The following MAGI2 variants were observed in gnomAD, a reference collection of about 807,000 sequenced individuals.
MAGI2 encodes the protein membrane-associated guanylate kinase, WW and PDZ domain-containing protein 2.
In MAGI2, 35 loss-of-function variants were observed where a neutral mutation model predicts 133.3. That is an observed-to-expected ratio of 0.26 (90% confidence interval 0.20 to 0.35). MAGI2 has a LOEUF of 0.35. Ranked by LOEUF, MAGI2 falls within the 10% of genes least tolerant of loss-of-function variation. The pLI is 1.00. For missense variants in MAGI2, 1,636 were observed against 1,863.4 expected (o/e 0.88, Z 2.25); for synonymous variants, 729 against 710.6 (o/e 1.03, Z -0.41).
chr7:78,497,742 A>ATCTGTCTGTCTGTCTGTCTGTCTGTCTG (rs1234566826), intron 5 of MAGI2, among the ~76,000 whole-genome samples: 4,145 of 120,278 alleles, frequency 0.034, 99 homozygotes, highest in East Asian at 0.1. Flanking sequence ...CTATCTATCT[A>ATCTGTCTGTCTGTCTGTCTGTCTGTCTG]TCTATCTATC....
intron 2 of MAGI2, among the ~76,000 whole-genome samples, chr7:78,964,737 T>A (rs1392607231): frequency 6.6e-6 from 1 of 152,032 alleles, no homozygotes; most frequent in Non-Finnish European, 1.5e-5. Flanking sequence ...ACAATAGGAA[T>A]ATACAAGGAG....
At chr7:78,340,689 G>A (rs1421486343) in intron 9 of MAGI2, among the ~76,000 whole-genome samples, 1 of 152,098 alleles carries the variant, frequency 6.6e-6, no homozygotes, top group African/African-American at 2.4e-5. Context: ...CACATAAGCA[G>A]AATCAATGAC....
chr7:79,103,876 T>A (rs4615489), intron 1 of MAGI2, among the ~76,000 whole-genome samples: 93,536 of 151,230 alleles, frequency 0.62, 34,783 homozygotes, highest in Non-Finnish European at 0.83. Flanking sequence ...ATTTTTTTTA[T>A]ATTTTTAGTA....
At chr7:79,332,732 C>T (rs965869818) in intron 1 of MAGI2, among the ~76,000 whole-genome samples, 1 of 152,138 alleles carries the variant, frequency 6.6e-6, no homozygotes, top group African/African-American at 2.4e-5. Flanking sequence ...TTTATTTATA[C>T]ATACACTCTT....
At chr7:78,946,932 T>A (rs948539948) in intron 2 of MAGI2, 1 of 152,144 alleles carries the variant, frequency 6.6e-6, no homozygotes, top group African/African-American at 2.4e-5. Flanking sequence ...TCGTCCAGAT[T>A]TTCCTGGCCA....
intron 9 of MAGI2, among the ~76,000 whole-genome samples, chr7:78,283,148 A>T (rs2151017957): frequency 6.6e-6 from 1 of 152,238 alleles, no homozygotes; most frequent in South Asian, 2.1e-4. Flanking sequence ...TCCTTTGAAA[A>T]TAATTTTCCT....
At chr7:78,265,123 A>G (rs778643446) in intron 9 of MAGI2, among the ~76,000 whole-genome samples, 4 of 152,082 alleles carry the variant, frequency 2.6e-5, no homozygotes, top group Non-Finnish European at 5.9e-5. Context: ...ACATCCAACA[A>G]TTACTCCCTA....
At chr7:79,398,837 G>A (rs1487173030) in intron 1 of MAGI2, among the ~76,000 whole-genome samples, 1 of 151,972 alleles carries the variant, frequency 6.6e-6, no homozygotes, top group Non-Finnish European at 1.5e-5. Flanking sequence ...GAAACTACAA[G>A]TAAAAAAGAA....
chr7:78,954,570 G>C (rs72612606), intron 2 of MAGI2, among the ~76,000 whole-genome samples: 8 of 148,926 alleles, frequency 5.4e-5, no homozygotes, highest in Non-Finnish European at 1.2e-4. Context: ...AGTGTGGATC[G>C]ACAATATGCC....
chr7:78,415,881 C>G (rs148798790), intron 6 of MAGI2, among the ~76,000 whole-genome samples: 1 of 152,234 alleles, frequency 6.6e-6, no homozygotes, highest in East Asian at 1.9e-4. Context: ...AACATTTCAT[C>G]TTTGCAGCTG....
intron 3 of MAGI2, among the ~76,000 whole-genome samples, chr7:78,582,668 A>G (rs1349116564): frequency 6.6e-6 from 1 of 152,258 alleles, no homozygotes; most frequent in East Asian, 1.9e-4. Context: ...TGCTTGAGCA[A>G]TAAATACATT....
chr7:78,458,993 G>A lies in MAGI2; in HGVS notation c.1045+30768C>T, dbSNP rs572194966. 4.6e-5 allele frequency among the ~76,000 whole-genome samples: 7 copies of A among 152,290 alleles called. No individual in the cohort carries two copies. The East Asian group carries it at 1.3e-3, about 29-fold the overall frequency. On this transcript the variant is annotated intron_variant, in intron 6 of 21. Transcript: ENST00000354212. ...AAATTCAAATGTAAGAGCAACCAAA[G>A]TTATGATTGTCTTTAACTTAGAAGC...
rs759952845 is a variant in MAGI2, at chr7:78,195,054, G to C, written c.2089C>G (p.Arg697Gly). The stretch of plus-strand genomic sequence containing the variant: ...TGAGGACTGCCTTGATTCTCCCATC[G>C]GTCCATTATCTGAAAAGTGACAGAG... ...PWKTPKPIMD[R>G]WENQGSPQTS... The change falls in exon 12 of 22, where the codon CGA (arginine) becomes GGA (glycine). Residue 697 changes from arginine to glycine, a missense_variant. Physicochemically the swap from Arg to Gly is moderately radical, Grantham distance 125. Around this residue, in one of 5 missense-constraint regions of MAGI2, gnomAD observed 920 missense variants for 1,093.5 expected, o/e 0.84. Transcript: ENST00000354212. The C allele has an allele frequency of 1.2e-6, 2 of 1,604,444 alleles. No individual in the cohort carries two copies. The highest frequency in any genetic ancestry group is 1.7e-5 in the Admixed American group (1 of 58,052).
At chr7:78,070,580 ATGTG>A (rs1563081491) in intron 21 of MAGI2, among the ~76,000 whole-genome samples, 1 of 65,784 alleles carries the variant, frequency 1.5e-5, no homozygotes. Flanking sequence ...GTGTGTATAT[ATGTG>A]TATATATATG....
chr7:78,394,201 G>T (rs766626760), intron 6 of MAGI2, among the ~76,000 whole-genome samples: 7 of 152,154 alleles, frequency 4.6e-5, no homozygotes, highest in Non-Finnish European at 8.8e-5. Context: ...TACTGTTTCA[G>T]CAACTATCTG....
Position 79,453,629 on chromosome 7 carries a change from C to A in MAGI2, c.-309G>T. 1 of 974,338 alleles carries A rather than the reference C, an allele frequency of 1.0e-6. No homozygotes were observed. Among genetic ancestry groups the A allele is most frequent in the South Asian group, 4.3e-5 (1 of 23,102 alleles). 60.4% of individuals were successfully genotyped at this position (974,338 alleles called of 1,614,324 possible). A position where few individuals can be genotyped will look rare whatever the true frequency, so the allele number is the denominator to read the frequency against. The stretch of plus-strand genomic sequence containing the variant: ...GTGGCGTCGGCGGCGGCGGCGGCGG[C>A]AGCCGGAGCGAGCAGTAGCCGAGCT... On this transcript the variant is annotated 5_prime_UTR_variant, in exon 1 of 22. Transcript: ENST00000354212.
At chr7:78,977,382 A>G (rs1298827617) in intron 2 of MAGI2, among the ~76,000 whole-genome samples, 10 of 151,400 alleles carry the variant, frequency 6.6e-5, no homozygotes, top group African/African-American at 2.4e-4. Context: ...CCACATGCAG[A>G]ATGAAAGACA....
intron 1 of MAGI2, among the ~76,000 whole-genome samples, chr7:79,168,785 C>T (rs546294556): frequency 1.2e-4 from 18 of 151,824 alleles, no homozygotes; most frequent in African/African-American, 4.4e-4. Flanking sequence ...TTTCATATTA[C>T]ACCCTGGCAG....
Position 78,246,750 on chromosome 7 carries a change from C to T in MAGI2, c.2047+9193G>A, listed in dbSNP as rs118152176. Among the ~76,000 whole-genome samples the T allele has an allele frequency of 7.6e-3, 1,158 of 152,326 alleles. 6 individuals carry two copies. Among genetic ancestry groups the T allele is most frequent in the Non-Finnish European group, 0.012 (849 of 68,014 alleles). ...TCTCATCCCCCACGATCTGACTTGA[C>T]GCTATGTCGTATTGGCTCTGGTTCA... On this transcript the variant is annotated intron_variant, in intron 10 of 21. Transcript: ENST00000354212.
Sources: allele counts gnomAD v4.1 joint callset (sites outside exome capture counted in the v4.1 genomes callset), GRCh38; gene constraint gnomAD v4.1.1; regional missense constraint gnomAD v4.1.1; transcripts MANE v1.5; gene names NCBI Gene and HGNC (gene_info 2026-07-23, HGNC 2026-07-21).